The following CTNND2 variants were observed in gnomAD, a reference collection of about 807,000 sequenced individuals.
The protein encoded by CTNND2 is catenin delta-2.
A neutral mutation model predicts 144.4 loss-of-function variants in CTNND2; 22 were observed. That is an observed-to-expected ratio of 0.15 (90% CI 0.11 to 0.22). CTNND2 has a LOEUF of 0.22. Among genes scored for constraint, CTNND2 ranks in the 10% least tolerant of loss-of-function variants. The pLI is 1.00. For missense variants in CTNND2, 1,353 were observed against 1,618.8 expected, an observed-to-expected ratio of 0.84 and a Z score of 2.82; for synonymous variants, 751 against 695.6, an observed-to-expected ratio of 1.08 and a Z score of -1.25.
At chr5:11,504,643 G>A (rs983367594) in intron 3 of CTNND2, among the ~76,000 whole-genome samples, 1 of 152,170 alleles carries the variant, frequency 6.6e-6, no homozygotes, top group Non-Finnish European at 1.5e-5. Flanking sequence ...GAGGAACGGT[G>A]TCACGGCCCA....
At chr5:11,446,720 T>A in intron 3 of CTNND2, among the ~76,000 whole-genome samples, 1 of 151,596 alleles carries the variant, frequency 6.6e-6, no homozygotes, top group East Asian at 1.9e-4. Context: ...ATCAAGAGAG[T>A]GATTCAGGGG....
chr5:11,544,171 ATTT>A (rs373953045), intron 3 of CTNND2, among the ~76,000 whole-genome samples: 3 of 149,812 alleles, frequency 2.0e-5, no homozygotes, highest in African/African-American at 7.4e-5. Context: ...TCCAAGGCAG[ATTT>A]TTTTTTTCTT....
intron 16 of CTNND2, among the ~76,000 whole-genome samples, chr5:11,076,629 G>A (rs1225661793): frequency 1.3e-5 from 2 of 152,182 alleles, no homozygotes; most frequent in African/African-American, 4.8e-5. Flanking sequence ...ACTTATTGCT[G>A]TTTCCCAGAG....
At chr5:11,058,494 T>G (rs1410770928) in intron 16 of CTNND2, among the ~76,000 whole-genome samples, 1 of 152,192 alleles carries the variant, frequency 6.6e-6, no homozygotes, top group African/African-American at 2.4e-5. Context: ...TGGGAACCTC[T>G]GCCTAGATTT....
At chr5:11,881,451 T>C (rs1736104796) in intron 1 of CTNND2, among the ~76,000 whole-genome samples, 1 of 152,034 alleles carries the variant, frequency 6.6e-6, no homozygotes, top group Non-Finnish European at 1.5e-5. Context: ...ATCCTTCTCA[T>C]CCTCTGGTAA....
intron 5 of CTNND2, among the ~76,000 whole-genome samples, chr5:11,402,930 C>T (rs1377984799): frequency 6.6e-6 from 1 of 152,184 alleles, no homozygotes; most frequent in Non-Finnish European, 1.5e-5. Flanking sequence ...ATCCAATGTC[C>T]TTGGCTTAAT....
intron 9 of CTNND2, among the ~76,000 whole-genome samples, chr5:11,270,708 A>C (rs1048244318): frequency 6.6e-6 from 1 of 152,186 alleles, no homozygotes; most frequent in African/African-American, 2.4e-5. Flanking sequence ...CTTCTAGGCT[A>C]TGTCTCTTAA....
chr5:11,800,595 G>A (rs1791626011), intron 1 of CTNND2, among the ~76,000 whole-genome samples: 3 of 152,094 alleles, frequency 2.0e-5, no homozygotes. Context: ...AGTGATGAAG[G>A]AAAAGGCATA....
chr5:11,845,952 C>T lies in CTNND2; in HGVS notation c.37+57865G>A, dbSNP rs576500821. Among the ~76,000 whole-genome samples the T allele has an allele frequency of 1.8e-4, 28 of 152,166 alleles. 1 individual carries two copies. In the South Asian group the frequency reaches 5.4e-3, roughly 29 times the overall value. On this transcript the variant is annotated intron_variant, in intron 1 of 21. Coordinates refer to ENST00000304623, the MANE Select transcript of CTNND2 (RefSeq NM_001332.4). Reference sequence around the variant, plus strand: ...ATGTAACCCCCGTGAGAAAGAGAAACTTTGATTTGTACTTTGACACATCCC... The same window carrying T: ...ATGTAACCCCCGTGAGAAAGAGAAATTTTGATTTGTACTTTGACACATCCC...
intron 16 of CTNND2, among the ~76,000 whole-genome samples, chr5:11,071,733 C>G (rs1229749129): frequency 1.3e-5 from 2 of 151,968 alleles, no homozygotes; most frequent in Admixed American, 6.6e-5. Flanking sequence ...CAGGAACCCC[C>G]ACAGAGTGCG....
chr5:11,074,951 C>T (rs1422406630), intron 16 of CTNND2, among the ~76,000 whole-genome samples: 2 of 151,958 alleles, frequency 1.3e-5, no homozygotes, highest in African/African-American at 4.8e-5. Context: ...TCCCCCTGCC[C>T]ACCCCCCACC....
intron 2 of CTNND2, among the ~76,000 whole-genome samples, chr5:11,645,916 TTTA>T (rs1261668619): frequency 1.3e-5 from 2 of 152,142 alleles, no homozygotes; most frequent in African/African-American, 4.8e-5. Context: ...TTTATCTAGC[TTTA>T]TTGTTTTATT....
intron 3 of CTNND2, among the ~76,000 whole-genome samples, chr5:11,420,871 G>C (rs1227111199): frequency 1.3e-5 from 2 of 152,136 alleles, no homozygotes; most frequent in Non-Finnish European, 2.9e-5. Context: ...GGCTACAATG[G>C]ATATAGCTAC....
intron 16 of CTNND2, among the ~76,000 whole-genome samples, chr5:11,029,004 C>G (rs1334947923): frequency 1.3e-5 from 2 of 152,220 alleles, no homozygotes; most frequent in Non-Finnish European, 2.9e-5. Flanking sequence ...CCACTGCACC[C>G]AGACAGAACT....
intron 2 of CTNND2, among the ~76,000 whole-genome samples, chr5:11,691,631 G>A (rs2126649938): frequency 6.6e-6 from 1 of 152,056 alleles, no homozygotes. Context: ...AAGCAAGTTG[G>A]GGTGGCTCAC....
intron 2 of CTNND2, among the ~76,000 whole-genome samples, chr5:11,605,502 G>C (rs772702500): frequency 4.6e-5 from 7 of 152,152 alleles, no homozygotes; most frequent in Non-Finnish European, 7.3e-5. Context: ...TTAAGGTTTG[G>C]ATTTTATTCT....
Position 11,522,747 on chromosome 5 carries a change from T to C in CTNND2, c.287+42197A>G, listed in dbSNP as rs1772855810. ...GGACCATAGCAGGTATCAGACTGCA[T>C]TACTCAGGACCAATTAAGCCAAGTT... On this transcript the variant is annotated intron_variant, in intron 3 of 21. Transcript: ENST00000304623. 2.6e-5 allele frequency among the ~76,000 whole-genome samples: 4 copies of C among 152,186 alleles called. No homozygotes were observed. The South Asian group carries it at 8.3e-4, about 31-fold the overall frequency.
At chr5:11,277,919 G>A (rs2530210) in intron 9 of CTNND2, among the ~76,000 whole-genome samples, 14 of 151,694 alleles carry the variant, frequency 9.2e-5, no homozygotes, top group East Asian at 3.9e-4. Flanking sequence ...CCATAGCTCC[G>A]GTCTCTCTCT....
intron 2 of CTNND2, among the ~76,000 whole-genome samples, chr5:11,598,616 G>C (rs1341966636): frequency 3.9e-5 from 6 of 152,262 alleles, no homozygotes; most frequent in Non-Finnish European, 7.4e-5. Flanking sequence ...TTTACAAGTT[G>C]AGGGAAAGGA....
Sources: allele counts gnomAD v4.1 joint callset (sites outside exome capture counted in the v4.1 genomes callset), GRCh38; gene constraint gnomAD v4.1.1; transcripts MANE v1.5; gene names NCBI Gene and HGNC (gene_info 2026-07-23, HGNC 2026-07-21).